DNAH11: variants seen among roughly 807,000 people sequenced by gnomAD.
The protein encoded by DNAH11 is axonemal beta dynein heavy chain 11.
A neutral mutation model predicts 526.0 loss-of-function variants in DNAH11; 442 were observed. The ratio of observed to expected loss-of-function variants is 0.84; its 90% CI spans 0.78 to 0.91. The LOEUF is 0.91. DNAH11 is among the 40% of genes least tolerant of loss of function. The probability of loss-of-function intolerance (pLI) is 0.00; values close to 1 mark genes in which losing one functional copy is unlikely to be tolerated. For missense variants in DNAH11, 6,989 were observed against 5,448.7 expected, an observed-to-expected ratio of 1.28 and a Z score of -8.90; for synonymous variants, 2,461 against 1,935.9, an observed-to-expected ratio of 1.27 and a Z score of -7.12.
rs906954936 is a variant in DNAH11, at chr7:21,711,621, G to A, written c.6835-91G>A. 47 of 1,522,982 alleles carry A rather than the reference G, an allele frequency of 3.1e-5. No homozygotes were observed. In the Admixed American group the frequency reaches 3.7e-4, roughly 12 times the overall value. The allele number at this position is 1,522,982 out of a possible 1,614,324, so 94.3% of individuals were successfully genotyped here. On this transcript the variant is annotated intron_variant, in intron 41 of 81. Transcript: ENST00000409508. ...ATTCAGGAGAGTGAGCACACAGCCT[G>A]TGATACTTCTGGTAGGGGAAAGTAC...
intron 62 of DNAH11, among the ~76,000 whole-genome samples, 168 bp from the exon 63 acceptor site, chr7:21,807,714 AT>A (rs372363348): frequency 2.5e-3 from 374 of 152,278 alleles, no homozygotes; most frequent in Non-Finnish European, 4.1e-3. Flanking sequence ...ATAATGATGG[AT>A]TTCAAACACA....
In DNAH11 at chr7:21,735,980, T is replaced by C. The variant is rs554980570; in HGVS notation, c.7645+136T>C. On this transcript the variant is annotated intron_variant, in intron 46 of 81. Coordinates refer to ENST00000409508, the MANE Select transcript of DNAH11 (RefSeq NM_001277115.2). ...TGGGCCTTAGATGAATTTGTACTTA[T>C]CATCCTTGTTAAATATACGTTGTTT... The C allele has an allele frequency of 2.6e-5, 22 of 838,122 alleles. No homozygotes were observed. In the East Asian group the frequency reaches 3.4e-4, roughly 13 times the overall value. The allele number at this position is 838,122 out of a possible 1,614,324, so 51.9% of individuals were successfully genotyped here.
intron 25 of DNAH11, among the ~76,000 whole-genome samples, chr7:21,631,178 T>G (rs1488468893): frequency 6.6e-6 from 1 of 152,156 alleles, no homozygotes; most frequent in Non-Finnish European, 1.5e-5. Flanking sequence ...CTCTTGAGGC[T>G]TATTCACAGT....
intron 65 of DNAH11, among the ~76,000 whole-genome samples, chr7:21,818,945 A>G (rs1006668793): frequency 2.0e-4 from 30 of 152,076 alleles, no homozygotes; most frequent in African/African-American, 6.3e-4. Flanking sequence ...TTCCCCCAAG[A>G]CAATATACTT....
chr7:21,676,264 C>T (rs1239037236), intron 30 of DNAH11, among the ~76,000 whole-genome samples: 1 of 152,178 alleles, frequency 6.6e-6, no homozygotes, highest in African/African-American at 2.4e-5. Flanking sequence ...TAGACTTGAG[C>T]CAAGACACCC....
intron 57 of DNAH11, among the ~76,000 whole-genome samples, chr7:21,780,572 C>G (rs1787899908): frequency 6.6e-6 from 1 of 151,300 alleles, no homozygotes; most frequent in African/African-American, 2.4e-5. Flanking sequence ...TATAAATACT[C>G]TAGAGATTTT....
rs748250611 is a variant in DNAH11 at position 21,543,371 on chromosome 7, G to A, written c.126G>A (p.Glu42=). 1.3e-4 allele frequency: 204 copies of A among 1,551,500 alleles called. No individual in the cohort carries two copies. The highest frequency in any genetic ancestry group is 1.7e-4 in the Non-Finnish European group (195 of 1,146,802). The part of the protein sequence containing the change: ...AVELEEEEEN[E]EEAAARRARS... ...AGCTCGAGGAGGAGGAGGAGAACGA[G>A]GAGGAGGCGGCGGCCAGGAGAGCGC... is the stretch of plus-strand genomic sequence containing the variant. The change falls in exon 1 of 82, where the codon GAG becomes GAA. Residue 42 remains glutamate (E), a synonymous_variant. Transcript: ENST00000409508.
chr7:21,697,857 C>T (rs1327054033), intron 35 of DNAH11, among the ~76,000 whole-genome samples: 7 of 152,184 alleles, frequency 4.6e-5, no homozygotes, highest in Non-Finnish European at 8.8e-5. Flanking sequence ...TACACCTGTG[C>T]TTCTGCCATT....
chr7:21,543,379 C>T lies in DNAH11; in HGVS notation c.134C>T (p.Ala45Val), dbSNP rs992756191. The T allele has an allele frequency of 6.4e-7, 1 of 1,551,490 alleles. No individual in the cohort carries two copies. Among genetic ancestry groups the T allele is most frequent in the Non-Finnish European group, 8.7e-7 (1 of 1,146,674 alleles). ...LEEEEENEEE[A>V]AARRARSFAQ... ...GAGGAGGAGGAGAACGAGGAGGAGG[C>T]GGCGGCCAGGAGAGCGCGGAGTTTC... is the stretch of plus-strand genomic sequence containing the variant. The change falls in exon 1 of 82, where the codon GCG (alanine) becomes GTG (valine). Residue 45 changes from alanine (A) to valine (V), a missense_variant. Transcript: ENST00000409508.
intron 7 of DNAH11, chr7:21,570,558 A>G: frequency 3.4e-6 from 1 of 296,164 alleles, no homozygotes; most frequent in South Asian, 8.9e-5. Flanking sequence ...TGTATCAGTG[A>G]CTCTTAGAAT....
chr7:21,842,834 A>G lies in DNAH11; in HGVS notation c.10896+86A>G, dbSNP rs1782268715. 5.9e-6 allele frequency: 7 copies of G among 1,187,664 alleles called. No individual in the cohort carries two copies. The South Asian group carries it at 1.1e-4, about 18-fold the overall frequency. The allele number at this position is 1,187,664 out of a possible 1,614,324, so 73.6% of individuals were successfully genotyped here. On this transcript the variant is annotated intron_variant, in intron 66 of 81. Transcript: ENST00000409508. ...GCTAGACATAGAAGTATAAAATAGG[A>G]TTCCTGCCCTCTAGAATCCTGCAAC...
chr7:21,899,722 C>T (rs2128052092), intron 80 of DNAH11, among the ~76,000 whole-genome samples: 1 of 152,296 alleles, frequency 6.6e-6, no homozygotes, highest in African/African-American at 2.4e-5. Flanking sequence ...GGCCACATAG[C>T]TTCTCTGCTA....
intron 45 of DNAH11, among the ~76,000 whole-genome samples, chr7:21,730,035 T>C (rs572588997): frequency 6.6e-6 from 1 of 152,274 alleles, no homozygotes; most frequent in Non-Finnish European, 1.5e-5. Context: ...TTGGTGAAAA[T>C]ATCAGTTAGT....
At chr7:21,711,939 A>G in intron 42 of DNAH11, 79 bp downstream of exon 42, 1 of 1,507,252 alleles carries the variant, frequency 6.6e-7, no homozygotes. Context: ...TTGCTTAAGC[A>G]CATTCATGTT....
Position 21,804,431 on chromosome 7 carries a change from A to G in DNAH11, c.10165+3156A>G, listed in dbSNP as rs190366063. ...GCCTATAGTACATTTTTAAAACCCT[A>G]ACTTATTACCACAAATTTAACTAAT... On this transcript the variant is annotated intron_variant, in intron 62 of 81. Transcript: ENST00000409508. Among the ~76,000 whole-genome samples the G allele has an allele frequency of 4.2e-4, 64 of 152,236 alleles. No homozygotes were observed. In the East Asian group the frequency reaches 8.9e-3, roughly 21 times the overall value.
chr7:21,848,993 C>A (rs1223171461), intron 66 of DNAH11, among the ~76,000 whole-genome samples: 1 of 152,316 alleles, frequency 6.6e-6, no homozygotes, highest in Middle Eastern at 3.4e-3. Flanking sequence ...TCAAACAATT[C>A]TCCTGCCTCA....
chr7:21,694,321 G>T (rs958743004), intron 35 of DNAH11, among the ~76,000 whole-genome samples: 9 of 152,048 alleles, frequency 5.9e-5, no homozygotes, highest in Non-Finnish European at 2.9e-5. Flanking sequence ...CATGCATTAG[G>T]TATTTGTCCT....
At chr7:21,591,721 G>C (rs192860523) in intron 14 of DNAH11, 144 bp downstream of exon 14, 1 of 817,194 alleles carries the variant, frequency 1.2e-6, no homozygotes, top group Non-Finnish European at 1.7e-6. Context: ...TTAAAGTGGA[G>C]GAATTTGTGT....
At chr7:21,768,999 TA>T (rs1338280556) in intron 55 of DNAH11, among the ~76,000 whole-genome samples, 1 of 152,088 alleles carries the variant, frequency 6.6e-6, no homozygotes, top group Non-Finnish European at 1.5e-5. Flanking sequence ...ATAATAATTT[TA>T]AAAAAGAAAT....
Sources: allele counts gnomAD v4.1 joint callset (sites outside exome capture counted in the v4.1 genomes callset), GRCh38; gene constraint gnomAD v4.1.1; transcripts MANE v1.5; gene names NCBI Gene and HGNC (gene_info 2026-07-23, HGNC 2026-07-21).